ARMC8: variants seen among roughly 807,000 people sequenced by gnomAD.
ARMC8 encodes armadillo repeat-containing protein 8.
A neutral mutation model predicts 99.3 loss-of-function variants in ARMC8; 20 were observed. That is an observed-to-expected ratio of 0.20 (90% CI 0.14 to 0.29). The LOEUF (loss-of-function observed/expected upper bound fraction) is 0.29, where lower values mean the gene tolerates loss of function less well. ARMC8 is among the 10% of genes least tolerant of loss of function. The pLI is 1.00. For synonymous variants in ARMC8, 263 were observed against 278.3 expected (o/e 0.95, Z 0.55); for missense variants, 569 against 809.5 (o/e 0.70, Z 3.60).
chr3:138,272,868 T>G, intron 16 of ARMC8, 99 bp from the exon 17 acceptor site: 1 of 1,119,458 alleles, frequency 8.9e-7, no homozygotes, highest in Non-Finnish European at 1.2e-6. Context: ...CAAGACTCTG[T>G]CTCAAAAAAA....
intron 12 of ARMC8, among the ~76,000 whole-genome samples, chr3:138,253,388 C>T (rs190813798): frequency 2.0e-5 from 3 of 152,230 alleles, no homozygotes; most frequent in African/African-American, 7.2e-5. Flanking sequence ...TTGACCAAGG[C>T]CCCCCAGCTA....
At chr3:138,243,684 T>A (rs1028223927) in intron 11 of ARMC8, among the ~76,000 whole-genome samples, 1 of 152,178 alleles carries the variant, frequency 6.6e-6, no homozygotes, top group Non-Finnish European at 1.5e-5. Context: ...TCTGTGGAAT[T>A]TTTTGTTACC....
chr3:138,201,008 G>A lies in ARMC8; in HGVS notation c.46-8809G>A, dbSNP rs145968739. On this transcript the variant is annotated intron_variant, in intron 1 of 21. Transcript: ENST00000469044. ...GCTCATTGTAGCCTCTGCTTCCTGG[G>A]TTCAAACGATTCTCCTGCCTCAGCT... 3.6e-3 allele frequency among the ~76,000 whole-genome samples: 528 copies of A among 146,550 alleles called. 8 individuals carry two copies. Among genetic ancestry groups the A allele is most frequent in the African/African-American group, 0.012 (459 of 39,782 alleles).
chr3:138,210,584 G>A (rs1026145118), intron 2 of ARMC8, among the ~76,000 whole-genome samples: 1 of 152,138 alleles, frequency 6.6e-6, no homozygotes, highest in Non-Finnish European at 1.5e-5. Context: ...GTTGGGAAAT[G>A]TGAAGGATCC....
intron 11 of ARMC8, among the ~76,000 whole-genome samples, chr3:138,244,885 C>T (rs1188485543): frequency 6.6e-6 from 1 of 152,176 alleles, no homozygotes; most frequent in Non-Finnish European, 1.5e-5. Flanking sequence ...ATATTGTGTG[C>T]ATTTTAGGTC....
chr3:138,257,359 A>T (rs2047459032), intron 12 of ARMC8, among the ~76,000 whole-genome samples: 1 of 152,208 alleles, frequency 6.6e-6, no homozygotes, highest in South Asian at 2.1e-4. Flanking sequence ...TTAGGTGCTC[A>T]AGCATTTCCA....
chr3:138,277,423 T>A (rs760036860), intron 18 of ARMC8, among the ~76,000 whole-genome samples: 8 of 152,350 alleles, frequency 5.3e-5, no homozygotes, highest in Non-Finnish European at 7.3e-5. Context: ...CTGTAAAACT[T>A]CTGCGTCGTG....
chr3:138,264,266 C>A, intron 14 of ARMC8, 54 bp downstream of exon 14: 2 of 1,413,438 alleles, frequency 1.4e-6, no homozygotes, highest in Non-Finnish European at 2.0e-6. Flanking sequence ...CTAGAGTGAG[C>A]TGAGCTAGCT....
At chr3:138,292,692 A>G (rs2051083493) in intron 21 of ARMC8, among the ~76,000 whole-genome samples, 1 of 152,222 alleles carries the variant, frequency 6.6e-6, no homozygotes, top group Non-Finnish European at 1.5e-5. Context: ...TGGGTATGCC[A>G]GCGTTAAGAT....
chr3:138,233,638 T>C (rs1476774359), intron 6 of ARMC8, among the ~76,000 whole-genome samples: 1 of 152,222 alleles, frequency 6.6e-6, no homozygotes, highest in African/African-American at 2.4e-5. Flanking sequence ...TAGAATATGA[T>C]GGTCGTGCTA....
At chr3:138,244,658 A>G (rs2046797464) in intron 11 of ARMC8, among the ~76,000 whole-genome samples, 1 of 152,196 alleles carries the variant, frequency 6.6e-6, no homozygotes, top group South Asian at 2.1e-4. Context: ...TCCTAAAGAC[A>G]TTGTTGCGAT....
At chr3:138,219,192 T>A (rs777446376) in intron 2 of ARMC8, among the ~76,000 whole-genome samples, 1 of 152,234 alleles carries the variant, frequency 6.6e-6, no homozygotes. Context: ...TGGAATGCTT[T>A]GTAAATTTGA....
intron 12 of ARMC8, among the ~76,000 whole-genome samples, chr3:138,254,747 G>T (rs905837523): frequency 6.6e-6 from 1 of 152,098 alleles, no homozygotes; most frequent in African/African-American, 2.4e-5. Flanking sequence ...AGGAAAAGTC[G>T]ACTCAAGAGA....
intron 18 of ARMC8, among the ~76,000 whole-genome samples, chr3:138,276,968 T>G (rs1203145106): frequency 2.6e-5 from 4 of 152,128 alleles, no homozygotes; most frequent in Admixed American, 1.3e-4. Flanking sequence ...CAAAACAGTT[T>G]GGAAGAAAAA....
At chr3:138,271,759 C>T (rs995531903) in intron 16 of ARMC8, among the ~76,000 whole-genome samples, 7 of 151,070 alleles carry the variant, frequency 4.6e-5, no homozygotes, top group African/African-American at 1.5e-4. Context: ...GCAACAACCA[C>T]ATATTATGTC....
At chr3:138,291,746 A>G (rs906272461) in intron 21 of ARMC8, among the ~76,000 whole-genome samples, 1 of 152,190 alleles carries the variant, frequency 6.6e-6, no homozygotes, top group South Asian at 2.1e-4. Context: ...CATCTGGGCA[A>G]ATGCATAGAG....
At chr3:138,256,399 C>CTT (rs2047403861) in intron 12 of ARMC8, among the ~76,000 whole-genome samples, 8 of 140,868 alleles carry the variant, frequency 5.7e-5, no homozygotes, top group African/African-American at 2.2e-4. Flanking sequence ...TTTTTTCCTC[C>CTT]TTCTTTTTTT....
chr3:138,272,456 G>C (rs1041039422), intron 16 of ARMC8, among the ~76,000 whole-genome samples: 3 of 151,694 alleles, frequency 2.0e-5, no homozygotes, highest in African/African-American at 7.3e-5. Flanking sequence ...TCCTCATGTA[G>C]AAGTATATCT....
chr3:138,264,354 T>C (rs944614282), intron 14 of ARMC8, 142 bp downstream of exon 14: 1 of 580,460 alleles, frequency 1.7e-6, no homozygotes, highest in Non-Finnish European at 3.0e-6. Context: ...AAATCTGATA[T>C]TCTAAGCATC....
Sources: allele counts gnomAD v4.1 joint callset (sites outside exome capture counted in the v4.1 genomes callset), GRCh38; gene constraint gnomAD v4.1.1; transcripts MANE v1.5; gene names NCBI Gene and HGNC (gene_info 2026-07-23, HGNC 2026-07-21).